OSMR: variants seen among roughly 807,000 people sequenced by gnomAD.
OSMR encodes the protein oncostatin M receptor.
OSMR carries 81 observed loss-of-function variants against 99.9 expected under a neutral mutation model. The observed-to-expected ratio is 0.81, with a 90% confidence interval of 0.68 to 0.97. The LOEUF is 0.97. Among genes scored for constraint, OSMR ranks in the 50% least tolerant of loss-of-function variants. The pLI is 0.00. For synonymous variants in OSMR, 406 were observed against 410.4 expected (o/e 0.99, Z 0.13); for missense variants, 1,099 against 1,153.4 (o/e 0.95, Z 0.68).
intron 1 of OSMR, among the ~76,000 whole-genome samples, chr5:38,866,906 G>A (rs1470356203): frequency 6.6e-6 from 1 of 152,162 alleles, no homozygotes; most frequent in African/African-American, 2.4e-5. Context: ...TCCTGGCACT[G>A]GGGAGTTTCT....
chr5:38,938,471 C>CT (rs1206376191), downstream of OSMR: 16 of 231,516 alleles, frequency 6.9e-5, no homozygotes, highest in African/African-American at 2.7e-4. Context: ...GAAAGGTATG[C>CT]TTTTTTTGGC....
intron 1 of OSMR, chr5:38,941,042 T>C (rs1747511697): frequency 4.3e-6 from 1 of 232,820 alleles, no homozygotes; most frequent in Admixed American, 5.6e-5. Context: ...ATTCAAATGA[T>C]GGCCATGCTA....
At chr5:38,917,115 T>G (rs113378) in intron 9 of OSMR, among the ~76,000 whole-genome samples, 96,216 of 151,866 alleles carry the variant, frequency 0.63, 30,784 homozygotes, top group African/African-American at 0.7. Context: ...ATCATGAAAC[T>G]TGAGGAAGAA....
chr5:38,899,682 G>A (rs1191551686), intron 7 of OSMR, among the ~76,000 whole-genome samples: 5 of 152,184 alleles, frequency 3.3e-5, no homozygotes, highest in Non-Finnish European at 7.3e-5. Flanking sequence ...CTGGCCCAGG[G>A]TGTGTCTTTA....
chr5:38,883,747 C>T (rs1743482470), intron 4 of OSMR, 80 bp from the exon 5 acceptor site: 22 of 1,607,918 alleles, frequency 1.4e-5, no homozygotes, highest in Non-Finnish European at 1.8e-5. Flanking sequence ...AAGTTATCTG[C>T]TGAAGGCAAA....
chr5:38,881,507 G>A, intron 3 of OSMR, 86 bp from the exon 4 acceptor site: 1 of 1,611,992 alleles, frequency 6.2e-7, no homozygotes, highest in Non-Finnish European at 8.5e-7. Context: ...TGGGGTCTTA[G>A]GTTTGTGCTT....
At chr5:38,895,258 T>A (rs1308628375) in intron 7 of OSMR, among the ~76,000 whole-genome samples, 2 of 151,948 alleles carry the variant, frequency 1.3e-5, no homozygotes, top group African/African-American at 4.8e-5. Context: ...AGAGCAGAAC[T>A]GAATGAAATT....
At chr5:38,884,674 A>G (rs1482259608) in intron 5 of OSMR, among the ~76,000 whole-genome samples, 1 of 152,238 alleles carries the variant, frequency 6.6e-6, no homozygotes, top group Non-Finnish European at 1.5e-5. Flanking sequence ...AATGGAGGCC[A>G]TTACTGTTCT....
intron 3 of OSMR, 75 bp downstream of exon 3, chr5:38,876,448 C>A: frequency 8.1e-7 from 1 of 1,238,198 alleles, no homozygotes; most frequent in Non-Finnish European, 1.2e-6. Context: ...TTTATAACAT[C>A]TGAAAAATTC....
chr5:38,945,049 A>G (rs913387937), exon 3 of OSMR: 4 of 1,604,720 alleles, frequency 2.5e-6, no homozygotes, highest in Non-Finnish European at 1.7e-6. Flanking sequence ...ACCAATCAGA[A>G]TATGGAATAT....
At chr5:38,944,139 A>G (rs765005427) in intron 1 of OSMR, 1 of 452,078 alleles carries the variant, frequency 2.2e-6, no homozygotes, top group Admixed American at 2.8e-5. Flanking sequence ...TTTAATAAAA[A>G]TAACTGTATT....
intron 1 of OSMR, chr5:38,942,889 T>C (rs1370428456): frequency 3.7e-6 from 6 of 1,611,090 alleles, no homozygotes; most frequent in Non-Finnish European, 5.1e-6. Flanking sequence ...CACGGAAGTC[T>C]GAATGTGCAG....
At chr5:38,851,247 C>T (rs781639783) in intron 1 of OSMR, among the ~76,000 whole-genome samples, 2 of 152,160 alleles carry the variant, frequency 1.3e-5, no homozygotes, top group Non-Finnish European at 2.9e-5. Context: ...AACTGTATAA[C>T]TTAAAGTGAG....
chr5:38,943,269 T>C, intron 1 of OSMR: 1 of 218,928 alleles, frequency 4.6e-6, no homozygotes, highest in Admixed American at 5.5e-5. Context: ...CCTAGGATGA[T>C]TAAAATATGT....
chr5:38,873,440 G>T (rs1475217363), intron 2 of OSMR, among the ~76,000 whole-genome samples: 1 of 152,184 alleles, frequency 6.6e-6, no homozygotes, highest in African/African-American at 2.4e-5. Context: ...AATTCTTTGG[G>T]ATATCTACTT....
intron 2 of OSMR, among the ~76,000 whole-genome samples, chr5:38,871,098 A>G (rs1742351069): frequency 6.6e-6 from 1 of 152,242 alleles, no homozygotes; most frequent in African/African-American, 2.4e-5. Context: ...ATAAAACAAT[A>G]GTAACTCATT....
At chr5:38,863,957 C>T (rs1285658503) in intron 1 of OSMR, among the ~76,000 whole-genome samples, 1 of 152,144 alleles carries the variant, frequency 6.6e-6, no homozygotes, top group African/African-American at 2.4e-5. Context: ...TCTGTTTTAT[C>T]TAAATACAGC....
At chr5:38,916,545 G>T (rs1416174757) in intron 9 of OSMR, among the ~76,000 whole-genome samples, 2 of 152,120 alleles carry the variant, frequency 1.3e-5, no homozygotes, top group Non-Finnish European at 2.9e-5. Context: ...GAACTGGGCT[G>T]GCATCTAGTA....
chr5:38,921,349 C>A, intron 11 of OSMR: 1 of 244,796 alleles, frequency 4.1e-6, no homozygotes, highest in Non-Finnish European at 6.5e-6. Context: ...AGTTTGCTGA[C>A]CCCTGTCCTA....
Sources: allele counts gnomAD v4.1 joint callset (sites outside exome capture counted in the v4.1 genomes callset), GRCh38; gene constraint gnomAD v4.1.1; transcripts MANE v1.5; gene names NCBI Gene and HGNC (gene_info 2026-07-23, HGNC 2026-07-21).